SLC7A2: variants seen among roughly 807,000 people sequenced by gnomAD.
The protein encoded by SLC7A2 is solute carrier family 7 member 2.
SLC7A2 carries 48 observed loss-of-function variants against 58.9 expected under a neutral mutation model. The ratio of observed to expected loss-of-function variants is 0.82; its 90% CI spans 0.65 to 1.04. The LOEUF (loss-of-function observed/expected upper bound fraction) is 1.04. SLC7A2 is among the 50% of genes least tolerant of loss of function. The pLI is 0.00. For synonymous variants in SLC7A2, 363 were observed against 314.5 expected, an observed-to-expected ratio of 1.15 and a Z score of -1.63; for missense variants, 1,029 against 818.8, an observed-to-expected ratio of 1.26 and a Z score of -3.13.
intron 8 of SLC7A2, 139 bp downstream of exon 8, chr8:17,554,838 G>C (rs942078604): frequency 6.9e-7 from 1 of 1,457,470 alleles, no homozygotes; most frequent in South Asian, 1.4e-5. Context: ...TTCCTATTTT[G>C]AATTTTTTGG....
intron 2 of SLC7A2, among the ~76,000 whole-genome samples, chr8:17,513,077 C>A (rs1036726218): frequency 1.3e-5 from 2 of 152,176 alleles, no homozygotes; most frequent in Admixed American, 6.5e-5. Context: ...TTGTAGAATG[C>A]CTTTTGTGAT....
chr8:17,495,596 C>G (rs1331526919), upstream of SLC7A2, among the ~76,000 whole-genome samples: 1 of 152,208 alleles, frequency 6.6e-6, no homozygotes, highest in African/African-American at 2.4e-5. Context: ...GTCGCCCAGG[C>G]TGGACTGTAG....
chr8:17,545,012 G>A (rs1359384247), intron 4 of SLC7A2, among the ~76,000 whole-genome samples: 1 of 152,144 alleles, frequency 6.6e-6, no homozygotes, highest in Non-Finnish European at 1.5e-5. Context: ...TTTCTGACAT[G>A]GCTTCATCTA....
chr8:17,503,615 C>T (rs1291909346), intron 2 of SLC7A2, among the ~76,000 whole-genome samples: 5 of 151,454 alleles, frequency 3.3e-5, no homozygotes, highest in East Asian at 3.9e-4. Context: ...TCATACGCGG[C>T]GCTCATAGTT....
chr8:17,496,592 A>G (rs903341465), upstream of SLC7A2, among the ~76,000 whole-genome samples: 1 of 152,298 alleles, frequency 6.6e-6, no homozygotes, highest in East Asian at 1.9e-4. Flanking sequence ...GAGTCTTCCA[A>G]AATAGCAACT....
chr8:17,499,251 T>G (rs909654105), intron 1 of SLC7A2: 6 of 152,130 alleles, frequency 3.9e-5, no homozygotes. Context: ...CTGTCTTCTC[T>G]TGTTTTATTT....
chr8:17,534,709 A>G (rs1459795931), intron 2 of SLC7A2, among the ~76,000 whole-genome samples: 3 of 151,900 alleles, frequency 2.0e-5, no homozygotes, highest in Non-Finnish European at 4.4e-5. Flanking sequence ...AAAAAAAAAA[A>G]AAAACAAGAC....
chr8:17,500,863 A>G (rs1051474690), intron 1 of SLC7A2, among the ~76,000 whole-genome samples: 3 of 151,542 alleles, frequency 2.0e-5, no homozygotes, highest in African/African-American at 7.3e-5. Context: ...GCCAAGTAGG[A>G]GTTCATTTCC....
In SLC7A2 at chr8:17,554,787, T is replaced by C. The variant is rs3214085; in HGVS notation, c.1195+88T>C. ...AAAATACAAAGCTAGGTGGTTTTCT[T>C]TTTTGATTTCCAAGAAGTTCAGTCA... On this transcript the variant is annotated intron_variant, in intron 8 of 12. Transcript: ENST00000494857. 11,058 of 1,471,128 alleles carry C rather than the reference T, an allele frequency of 7.5e-3. 74 individuals carry two copies. The highest frequency in any genetic ancestry group is 8.0e-3 in the Non-Finnish European group (8,703 of 1,093,958). 91.1% of individuals were successfully genotyped at this position (1,471,128 alleles called of 1,614,324 possible).
At chr8:17,559,310 G>T (rs531798786) in intron 9 of SLC7A2, among the ~76,000 whole-genome samples, 2 of 152,228 alleles carry the variant, frequency 1.3e-5, no homozygotes, top group East Asian at 3.9e-4. Flanking sequence ...GTTCCACAGG[G>T]CTGGAGAGGC....
chr8:17,563,984 A>T (rs1803147790), intron 12 of SLC7A2, among the ~76,000 whole-genome samples: 1 of 152,186 alleles, frequency 6.6e-6, no homozygotes, highest in Admixed American at 6.5e-5. Context: ...TCAACCCAAA[A>T]CTCACAACCA....
Position 17,548,694 on chromosome 8 carries a change from A to G in SLC7A2, c.549A>G (p.Gly183=). ...TTTCCATAGGTCTTTTGTCTTTTGG[A>G]GTAAAAGAGTCTGCTTGGGTGAATA... The part of the protein sequence containing the change: ...ILLLAGLLSF[G]VKESAWVNKV... Residue 183 remains glycine (G), a synonymous_variant, in exon 5 of 13, where the codon GGA becomes GGG. Coordinates refer to ENST00000494857, the MANE Select transcript of SLC7A2 (RefSeq NM_001370338.1). 1 of 1,604,140 alleles carries G rather than the reference A, an allele frequency of 6.2e-7. No homozygotes were observed. The highest frequency in any genetic ancestry group is 8.5e-7 in the Non-Finnish European group (1 of 1,176,810).
intron 2 of SLC7A2, among the ~76,000 whole-genome samples, chr8:17,506,530 T>C (rs111754309): frequency 6.6e-6 from 1 of 152,206 alleles, no homozygotes; most frequent in Non-Finnish European, 1.5e-5. Flanking sequence ...GTTATCAAGT[T>C]TCTGGCACGG....
intron 7 of SLC7A2, among the ~76,000 whole-genome samples, chr8:17,553,980 C>T (rs1347115977): frequency 6.6e-6 from 1 of 152,066 alleles, no homozygotes; most frequent in African/African-American, 2.4e-5. Flanking sequence ...ACTACATTTA[C>T]GTAAATTGAT....
upstream of SLC7A2, among the ~76,000 whole-genome samples, chr8:17,495,329 C>T (rs1159955665): frequency 6.6e-6 from 1 of 152,106 alleles, no homozygotes; most frequent in Non-Finnish European, 1.5e-5. Context: ...AGTCATCGCT[C>T]CCTTGAACAA....
At position 17,532,686 on chromosome 8, in the gene SLC7A2, A is replaced by T. The variant is rs533683129; in HGVS notation, c.-22-10632A>T. On this transcript the variant is annotated intron_variant, in intron 2 of 12. Coordinates refer to ENST00000494857, the MANE Select transcript of SLC7A2 (RefSeq NM_001370338.1). ...ACATTTATGGCATATTAATAAGTAG[A>T]ATAGAAATGTGACAAGCACATCAAT... Among the ~76,000 whole-genome samples the T allele has an allele frequency of 2.0e-3, 311 of 152,350 alleles. 3 individuals are homozygous for T. The highest frequency in any genetic ancestry group is 3.5e-3 in the Non-Finnish European group (239 of 68,032).
chr8:17,526,213 G>A (rs1801217330), intron 2 of SLC7A2, among the ~76,000 whole-genome samples: 1 of 152,128 alleles, frequency 6.6e-6, no homozygotes, highest in Non-Finnish European at 1.5e-5. Flanking sequence ...AGCTGCCATG[G>A]GAATTCATTT....
chr8:17,557,171 G>A (rs1374757332), intron 8 of SLC7A2, among the ~76,000 whole-genome samples: 1 of 152,040 alleles, frequency 6.6e-6, no homozygotes, highest in East Asian at 1.9e-4. Flanking sequence ...TTGACTCAAA[G>A]GTAAAATGAG....
At chr8:17,522,097 G>T (rs1801037703) in intron 2 of SLC7A2, among the ~76,000 whole-genome samples, 1 of 152,150 alleles carries the variant, frequency 6.6e-6, no homozygotes, top group African/African-American at 2.4e-5. Flanking sequence ...ACGTACCCAA[G>T]ATTGGATAAT....
Sources: allele counts gnomAD v4.1 joint callset (sites outside exome capture counted in the v4.1 genomes callset), GRCh38; gene constraint gnomAD v4.1.1; transcripts MANE v1.5; gene names NCBI Gene and HGNC (gene_info 2026-07-23, HGNC 2026-07-21).